DZIP1L: variants seen among roughly 807,000 people sequenced by gnomAD.
DZIP1L encodes the protein DAZ interacting zinc finger protein 1 like.
A neutral mutation model predicts 88.7 loss-of-function variants in DZIP1L; 90 were observed. The observed-to-expected ratio is 1.02, with a 90% confidence interval of 0.86 to 1.21. The LOEUF is 1.21. Among genes scored for constraint, DZIP1L ranks in the 50% most tolerant of loss-of-function variants. DZIP1L has a pLI of 0.00. For missense variants in DZIP1L, 932 were observed against 955.8 expected (o/e 0.98, Z 0.33); for synonymous variants, 363 against 372.1 (o/e 0.98, Z 0.28).
At chr3:138,100,030 C>CTT (rs761034387) in intron 2 of DZIP1L, among the ~76,000 whole-genome samples, 2 of 144,198 alleles carry the variant, frequency 1.4e-5, no homozygotes, top group African/African-American at 2.5e-5. Context: ...AACCCCCATC[C>CTT]TTTTTTTTTT....
At chr3:138,101,884 T>C (rs2107840166) in intron 2 of DZIP1L, 2 of 1,420,482 alleles carry the variant, frequency 1.4e-6, no homozygotes, top group East Asian at 2.3e-5. Flanking sequence ...CAGCTTGGCG[T>C]TGGCATCCTT....
chr3:138,082,937 A>G (rs1107422), intron 8 of DZIP1L, among the ~76,000 whole-genome samples: 96,333 of 151,864 alleles, frequency 0.63, 31,240 homozygotes, highest in Non-Finnish European at 0.7. Context: ...AGCGGTAAAC[A>G]AAAGTCATCA....
chr3:138,108,870 C>T (rs983203892), intron 1 of DZIP1L, among the ~76,000 whole-genome samples: 1 of 152,222 alleles, frequency 6.6e-6, no homozygotes, highest in Non-Finnish European at 1.5e-5. Flanking sequence ...TACAATAAGG[C>T]AGTGGTTCTC....
Position 138,108,678 on chromosome 3 carries a change from C to G in DZIP1L, c.-81-4626G>C, listed in dbSNP as rs567900194. Among the ~76,000 whole-genome samples, 58 of 152,276 alleles carry G rather than the reference C, an allele frequency of 3.8e-4. No individual in the cohort carries two copies. The South Asian group carries it at 0.011, about 29-fold the overall frequency. ...CCCCCAAATCTCTTTCTCTCTAGCC[C>G]CTCGGTCTCTTGTGATCTTATACCC... On this transcript the variant is annotated intron_variant, in intron 1 of 15. Transcript: ENST00000327532.
intron 1 of DZIP1L, among the ~76,000 whole-genome samples, chr3:138,104,716 T>C (rs1484381775): frequency 2.0e-5 from 3 of 152,226 alleles, no homozygotes; most frequent in Non-Finnish European, 4.4e-5. Flanking sequence ...TTAAGAGAGT[T>C]ACGGAGTCTC....
At chr3:138,110,250 A>G (rs2107871615) in intron 1 of DZIP1L, among the ~76,000 whole-genome samples, 1 of 152,270 alleles carries the variant, frequency 6.6e-6, no homozygotes, top group South Asian at 2.1e-4. Flanking sequence ...GAATTGAACA[A>G]TGAGAACACT....
intron 4 of DZIP1L, among the ~76,000 whole-genome samples, chr3:138,093,449 G>A (rs1028971974): frequency 6.6e-6 from 1 of 152,230 alleles, no homozygotes; most frequent in Non-Finnish European, 1.5e-5. Context: ...AGTGGCAAAT[G>A]AGCATTGGCT....
At position 138,103,822 on chromosome 3, in the gene DZIP1L, C is replaced by T. The variant is rs1419353860; in HGVS notation, c.150G>A (p.Leu50=). The change falls in exon 2 of 16, where the codon CTG becomes CTA. Residue 50 remains leucine, a synonymous_variant. Coordinates refer to ENST00000327532, the MANE Select transcript of DZIP1L (RefSeq NM_173543.3). The part of the protein sequence containing the change: ...TLDVDRVARE[L]DVATLQENIA... ...TATTCTCCTGCAGAGTGGCCACATC[C>T]AGTTCCCGGGCCACGCGGTCTACAT... 32 of 1,614,082 alleles carry T rather than the reference C, an allele frequency of 2.0e-5. No individual in the cohort carries two copies. The highest frequency in any genetic ancestry group is 2.6e-5 in the Non-Finnish European group (31 of 1,180,062).
chr3:138,083,808 A>G (rs1242580929), intron 8 of DZIP1L, among the ~76,000 whole-genome samples: 2 of 152,220 alleles, frequency 1.3e-5, no homozygotes, highest in East Asian at 3.9e-4. Context: ...CTTGAAGGAT[A>G]GTAGTGAGGC....
At chr3:138,089,375 G>C in intron 5 of DZIP1L, 1 of 623,904 alleles carries the variant, frequency 1.6e-6, no homozygotes, top group Non-Finnish European at 2.0e-6. Flanking sequence ...CCACAGAGCT[G>C]ACTTTCTTGG....
rs759457544 is a variant in DZIP1L at position 138,084,183 on chromosome 3, T to C, written c.1133A>G (p.Gln378Arg). 1.9e-6 allele frequency: 3 copies of C among 1,614,212 alleles called. No individual in the cohort carries two copies. Among genetic ancestry groups the C allele is most frequent in the Non-Finnish European group, 2.5e-6 (3 of 1,180,026 alleles). ...QDQKKAAAQS[Q>R]CQISTLRAQL... ...GGCACGGAGGGTGCTGATCTGGCAC[T>C]GGGACTGGGCAGCTGCCTTCTTCTG... is the stretch of plus-strand genomic sequence containing the variant. The change falls in exon 8 of 16, where the codon CAG becomes CGG. Residue 378 changes from glutamine (Q) to arginine (R), a missense_variant. By Grantham distance (43) the Gln-to-Arg change is conservative. Transcript: ENST00000327532.
chr3:138,111,384 T>A (rs2042617152), intron 1 of DZIP1L, among the ~76,000 whole-genome samples: 1 of 152,222 alleles, frequency 6.6e-6, no homozygotes, highest in Non-Finnish European at 1.5e-5. Flanking sequence ...TTTAATCCCA[T>A]GGGCAAGTAA....
chr3:138,085,789 T>A (rs1410529608), intron 7 of DZIP1L, among the ~76,000 whole-genome samples: 2 of 152,220 alleles, frequency 1.3e-5, no homozygotes, highest in African/African-American at 4.8e-5. Flanking sequence ...ATCATGCTGC[T>A]ATAAAGACAC....
Position 138,062,443 on chromosome 3 carries a change from C to T in DZIP1L, c.*373G>A. On this transcript the variant is annotated 3_prime_UTR_variant, in exon 16 of 16. Transcript: ENST00000327532. ...ACTGAGGCATATGTCCCCAAAAGGA[C>T]CCCAGATAGGAACCATCTCCACAGT... 1 of 179,256 alleles carries T rather than the reference C, an allele frequency of 5.6e-6. No individual in the cohort carries two copies. The highest frequency in any genetic ancestry group is 1.2e-5 in the Non-Finnish European group (1 of 83,644). The allele number at this position is 179,256 out of a possible 1,614,324, so 11.1% of individuals were successfully genotyped here.
At chr3:138,068,501 A>T in intron 12 of DZIP1L, 134 bp from the exon 13 acceptor site, 1 of 613,036 alleles carries the variant, frequency 1.6e-6, no homozygotes, top group Non-Finnish European at 2.5e-6. Context: ...ACCACAGCAG[A>T]TTTCATGACT....
chr3:138,077,917 G>T (rs914331369), intron 10 of DZIP1L, among the ~76,000 whole-genome samples: 1 of 152,194 alleles, frequency 6.6e-6, no homozygotes, highest in African/African-American at 2.4e-5. Flanking sequence ...TAAACTGGTG[G>T]ACAAGATAGA....
chr3:138,092,739 G>A (rs774684639), intron 4 of DZIP1L, among the ~76,000 whole-genome samples, 195 bp from the exon 5 acceptor site: 51 of 152,196 alleles, frequency 3.4e-4, no homozygotes, highest in Admixed American at 2.4e-3. Context: ...AGCATCTTCA[G>A]AAGTAGTAGA....
In DZIP1L at chr3:138,062,382, T is replaced by C. The variant is rs377568656; in HGVS notation, c.*434A>G. On this transcript the variant is annotated 3_prime_UTR_variant, in exon 16 of 16. Coordinates refer to ENST00000327532, the MANE Select transcript of DZIP1L (RefSeq NM_173543.3). ...AGCCTGGCGCAGAGTAGGTAGGCAC[T>C]CAGTAAATAATTTTGGATCAATCAC... 84 of 163,522 alleles carry C rather than the reference T, an allele frequency of 5.1e-4. No homozygotes were observed. The South Asian group carries it at 0.013, about 25-fold the overall frequency. The allele number at this position is 163,522 out of a possible 1,614,324, so 10.1% of individuals were successfully genotyped here. A position where few individuals can be genotyped will look rare whatever the true frequency, so the allele number is the denominator to read the frequency against.
chr3:138,081,552 T>C (rs1943649969), intron 9 of DZIP1L, among the ~76,000 whole-genome samples, 182 bp downstream of exon 9: 1 of 152,196 alleles, frequency 6.6e-6, no homozygotes, highest in African/African-American at 2.4e-5. Flanking sequence ...GCCAGCTGCA[T>C]GGGAAGCCTT....
Sources: allele counts gnomAD v4.1 joint callset (sites outside exome capture counted in the v4.1 genomes callset), GRCh38; gene constraint gnomAD v4.1.1; transcripts MANE v1.5; gene names NCBI Gene and HGNC (gene_info 2026-07-23, HGNC 2026-07-21).